TTC28: variants seen among roughly 807,000 people sequenced by gnomAD.
TTC28 encodes the protein tetratricopeptide repeat protein 28.
TTC28 carries 61 observed loss-of-function variants against 198.0 expected under a neutral mutation model. The ratio of observed to expected loss-of-function variants is 0.31; its 90% CI spans 0.25 to 0.38. The LOEUF is 0.38. TTC28 is among the 10% of genes least tolerant of loss of function. TTC28 has a pLI of 1.00. For missense variants in TTC28, 2,678 were observed against 3,164.0 expected, an observed-to-expected ratio of 0.85 and a Z score of 3.69; for synonymous variants, 1,171 against 1,297.8, an observed-to-expected ratio of 0.90 and a Z score of 2.10.
intron 2 of TTC28, among the ~76,000 whole-genome samples, chr22:28,442,187 C>T (rs2047633503): frequency 6.6e-6 from 1 of 152,192 alleles, no homozygotes; most frequent in Non-Finnish European, 1.5e-5. Flanking sequence ...AAAGTGCCCC[C>T]TCCCCCTTTT....
At chr22:28,346,025 A>T (rs539239413) in intron 2 of TTC28, among the ~76,000 whole-genome samples, 6 of 152,304 alleles carry the variant, frequency 3.9e-5, no homozygotes, top group African/African-American at 1.4e-4. Flanking sequence ...AGAAAGGAAA[A>T]CAAACATTAT....
At chr22:28,644,325 G>A (rs985409411) in intron 1 of TTC28, among the ~76,000 whole-genome samples, 1 of 151,640 alleles carries the variant, frequency 6.6e-6, no homozygotes, top group African/African-American at 2.4e-5. Context: ...CATGAACCCA[G>A]GAGGCGGAGG....
At chr22:28,305,961 CTTG>C (rs1037658722) in intron 3 of TTC28, among the ~76,000 whole-genome samples, 1 of 152,068 alleles carries the variant, frequency 6.6e-6, no homozygotes, top group African/African-American at 2.4e-5. Context: ...TGGTATCTGT[CTTG>C]TTTTTTTCTT....
rs188814219 is a variant in TTC28 at position 28,168,716 on chromosome 22, A to C, written c.934-5117T>G. Among the ~76,000 whole-genome samples the C allele has an allele frequency of 1.3e-4, 20 of 152,334 alleles. No homozygotes were observed. The East Asian group carries it at 3.9e-3, about 29-fold the overall frequency. ...AAATGTTAGACCTATAACCATAAAA[A>C]CCCTAGAAGAAAACCTAGGCAATAC... is the stretch of plus-strand genomic sequence containing the variant. On this transcript the variant is annotated intron_variant, in intron 5 of 22. Coordinates refer to ENST00000397906, the MANE Select transcript of TTC28 (RefSeq NM_001145418.2).
intron 2 of TTC28, among the ~76,000 whole-genome samples, chr22:28,375,008 A>C (rs530014173): frequency 6.5e-4 from 99 of 151,974 alleles, no homozygotes; most frequent in African/African-American, 2.1e-3. Flanking sequence ...GGATCGCCTG[A>C]GCCCAAGACT....
chr22:28,080,149 G>A (rs2146804006), intron 12 of TTC28, among the ~76,000 whole-genome samples: 2 of 152,284 alleles, frequency 1.3e-5, no homozygotes, highest in East Asian at 3.9e-4. Context: ...GAGTAGTACT[G>A]CAATGAATAT....
chr22:28,674,562 G>A (rs1275070029), intron 1 of TTC28, among the ~76,000 whole-genome samples: 1 of 152,120 alleles, frequency 6.6e-6, no homozygotes, highest in Non-Finnish European at 1.5e-5. Context: ...GCTCAAGCCT[G>A]TAATTCCAGC....
At chr22:28,149,609 A>T (rs1306337381) in intron 6 of TTC28, among the ~76,000 whole-genome samples, 2 of 152,340 alleles carry the variant, frequency 1.3e-5, no homozygotes. Context: ...CAGGGTCAGA[A>T]TCATCAATAT....
At chr22:28,490,746 T>C (rs1479402925) in intron 2 of TTC28, among the ~76,000 whole-genome samples, 1 of 152,220 alleles carries the variant, frequency 6.6e-6, no homozygotes, top group East Asian at 1.9e-4. Flanking sequence ...TGTTTCCAGA[T>C]CCTAGGCTCC....
intron 13 of TTC28, among the ~76,000 whole-genome samples, chr22:28,016,631 C>G (rs890644185): frequency 6.6e-6 from 1 of 152,192 alleles, no homozygotes; most frequent in East Asian, 1.9e-4. Flanking sequence ...TGCCATGCCC[C>G]CAGACAGTGC....
intron 5 of TTC28, among the ~76,000 whole-genome samples, chr22:28,257,525 T>C (rs1931014844): frequency 6.6e-6 from 1 of 151,820 alleles, no homozygotes; most frequent in African/African-American, 2.4e-5. Flanking sequence ...CATGTTCTCA[T>C]TCATATGTGG....
At chr22:28,381,770 C>T (rs1253882273) in intron 2 of TTC28, among the ~76,000 whole-genome samples, 4 of 152,118 alleles carry the variant, frequency 2.6e-5, no homozygotes, top group Non-Finnish European at 5.9e-5. Context: ...TAATACTGTT[C>T]TTCTGCCAAA....
rs1369148781 is a variant in TTC28, at chr22:27,982,449, C to T, written c.7218G>A (p.Glu2406=). The stretch of plus-strand genomic sequence containing the variant: ...CCTTCAGTTCAAGCTTATCCACTCC[C>T]TCCTCCTTCTTATTGTGCCGTGGTG... The part of the protein sequence containing the change: ...NLSPRHNKKE[E]GVDKLELKEL... The change falls in exon 23 of 23, where the codon GAG becomes GAA. Residue 2406 remains glutamate, a synonymous_variant. Transcript: ENST00000397906. The surrounding 1 kb of genome is among the most constrained non-coding windows in gnomAD (Gnocchi z 5.2). 11 of 1,551,392 alleles carry T rather than the reference C, an allele frequency of 7.1e-6. No homozygotes were observed. The highest frequency in any genetic ancestry group is 9.6e-6 in the Non-Finnish European group (11 of 1,146,992).
intron 12 of TTC28, among the ~76,000 whole-genome samples, chr22:28,073,706 A>T (rs541057097): frequency 6.6e-6 from 1 of 152,144 alleles, no homozygotes; most frequent in Non-Finnish European, 1.5e-5. Context: ...TTGATACGAG[A>T]TTTGCTTTAG....
intron 2 of TTC28, among the ~76,000 whole-genome samples, chr22:28,613,336 C>G (rs2050851080): frequency 6.6e-6 from 1 of 152,136 alleles, no homozygotes; most frequent in South Asian, 2.1e-4. Context: ...AAGTCCAGGA[C>G]CAGATGGATT....
Position 27,983,740 on chromosome 22 carries a change from G to T in TTC28, c.5927C>A (p.Pro1976His). ...NALPLGYQQP[P>H]FSPTGADSIA... is the part of the protein sequence containing the mutation. ...GCTGTCCGCACCGGTGGGAGAGAAG[G>T]GGGGTTGCTGGTAACCCAAGGGCAG... Residue 1976 changes from proline (P) to histidine (H), a missense_variant, in exon 23 of 23, where the codon CCC becomes CAC. Coordinates refer to ENST00000397906, the MANE Select transcript of TTC28 (RefSeq NM_001145418.2). 2 of 1,551,662 alleles carry T rather than the reference G, an allele frequency of 1.3e-6. No individual in the cohort carries two copies. The highest frequency in any genetic ancestry group is 1.7e-6 in the Non-Finnish European group (2 of 1,147,004).
chr22:28,004,342 G>C (rs1601507593), intron 14 of TTC28, among the ~76,000 whole-genome samples: 1 of 152,232 alleles, frequency 6.6e-6, no homozygotes, highest in Non-Finnish European at 1.5e-5. Context: ...GCCTGCGGGA[G>C]AGGGGGCTGT....
intron 2 of TTC28, among the ~76,000 whole-genome samples, chr22:28,602,565 A>G (rs1260005683): frequency 6.6e-6 from 1 of 152,232 alleles, no homozygotes; most frequent in Non-Finnish European, 1.5e-5. Flanking sequence ...AATAATAGAA[A>G]AGAATTATAG....
At chr22:28,515,681 C>G (rs2048771709) in intron 2 of TTC28, among the ~76,000 whole-genome samples, 1 of 152,058 alleles carries the variant, frequency 6.6e-6, no homozygotes, top group Admixed American at 6.6e-5. Flanking sequence ...GGGTGGGATA[C>G]CAGCTAGCCA....
Sources: allele counts gnomAD v4.1 joint callset (sites outside exome capture counted in the v4.1 genomes callset), GRCh38; gene constraint gnomAD v4.1.1; non-coding constraint Gnocchi (gnomAD v3.1); transcripts MANE v1.5; gene names NCBI Gene and HGNC (gene_info 2026-07-23, HGNC 2026-07-21).